OXR1: variants seen among roughly 807,000 people sequenced by gnomAD.
The protein encoded by OXR1 is oxidation resistance 1.
In OXR1, 41 loss-of-function variants were observed where a neutral mutation model predicts 104.6. The observed-to-expected ratio is 0.39, with a 90% CI of 0.31 to 0.51. The LOEUF is 0.51. Ranked by LOEUF, OXR1 falls within the 20% of genes least tolerant of loss-of-function variation. The pLI is 0.77. For synonymous variants in OXR1, 348 were observed against 348.4 expected, an observed-to-expected ratio of 1.00 and a Z score of 0.01; for missense variants, 955 against 1,031.9, an observed-to-expected ratio of 0.93 and a Z score of 1.02.
At chr8:106,696,291 T>C (rs1407288846) in intron 7 of OXR1, among the ~76,000 whole-genome samples, 6 of 152,234 alleles carry the variant, frequency 3.9e-5, no homozygotes. Flanking sequence ...CCATGTCTTT[T>C]GCGGATTGAC....
intron 6 of OXR1, among the ~76,000 whole-genome samples, chr8:106,685,189 T>G (rs1479037138): frequency 1.3e-5 from 2 of 152,196 alleles, no homozygotes; most frequent in Non-Finnish European, 2.9e-5. Context: ...AAAGTCAGGT[T>G]TTAATGGTAG....
intron 3 of OXR1, among the ~76,000 whole-genome samples, chr8:106,610,553 T>C (rs1820737538): frequency 6.6e-6 from 1 of 152,176 alleles, no homozygotes; most frequent in South Asian, 2.1e-4. Context: ...CATCCTACCA[T>C]CGTTTATCCT....
At chr8:106,519,866 A>T (rs1176068467) in intron 3 of OXR1, among the ~76,000 whole-genome samples, 2 of 152,218 alleles carry the variant, frequency 1.3e-5, no homozygotes, top group African/African-American at 4.8e-5. Flanking sequence ...TACCAACTTT[A>T]GTGTACCATA....
At chr8:106,593,267 C>T (rs1213700327) in intron 3 of OXR1, among the ~76,000 whole-genome samples, 1 of 152,082 alleles carries the variant, frequency 6.6e-6, no homozygotes, top group African/African-American at 2.4e-5. Context: ...ACAAGGGCAC[C>T]CGACCCGCCG....
At chr8:106,398,589 G>A (rs74535851) in intron 2 of OXR1, among the ~76,000 whole-genome samples, 1,892 of 152,288 alleles carry the variant, frequency 0.012, 19 homozygotes, top group Non-Finnish European at 0.019. Context: ...CTTCTGGTGT[G>A]TGTAAGGTTC....
rs56831509 is a variant in OXR1, at chr8:106,691,641, T to TATATAC, written c.526-1086_526-1085insTATACA. On this transcript the variant is annotated intron_variant, in intron 6 of 16. Coordinates refer to ENST00000517566, the MANE Select transcript of OXR1 (RefSeq NM_001198533.2). ...ATACATATATATATATATATATATATACACACACATATATTTATATTTGTG... is the reference window on the plus strand; with the variant it reads ...ATACATATATATATATATATATATATATATACACACACACATATATTTATATTTGTG... 1.0e-3 allele frequency among the ~76,000 whole-genome samples: 119 copies of TATATAC among 115,002 alleles called. No individual in the cohort carries two copies. The East Asian group carries it at 0.015, about 14-fold the overall frequency. 75.4% of individuals were successfully genotyped at this position (115,002 alleles called of 152,430 possible).
At chr8:106,368,067 T>A (rs1194966656) in intron 2 of OXR1, among the ~76,000 whole-genome samples, 1 of 152,136 alleles carries the variant, frequency 6.6e-6, no homozygotes, top group African/African-American at 2.4e-5. Flanking sequence ...CTTACTAGGT[T>A]ACAGGTGAGA....
At chr8:106,373,394 C>T (rs866181225) in intron 2 of OXR1, among the ~76,000 whole-genome samples, 8 of 152,118 alleles carry the variant, frequency 5.3e-5, no homozygotes, top group Non-Finnish European at 8.8e-5. Flanking sequence ...GTTTAATGTG[C>T]GTGTGGTTTT....
At chr8:106,723,533 G>T (rs780808278) in intron 11 of OXR1, among the ~76,000 whole-genome samples, 2 of 150,606 alleles carry the variant, frequency 1.3e-5, no homozygotes, top group African/African-American at 2.4e-5. Context: ...TTAGCCGGGC[G>T]TGGTGGCGCA....
chr8:106,514,296 G>A (rs1011238435), intron 2 of OXR1, among the ~76,000 whole-genome samples: 1 of 152,014 alleles, frequency 6.6e-6, no homozygotes, highest in Non-Finnish European at 1.5e-5. Flanking sequence ...CCCCTTTCAC[G>A]AAATTTGGAA....
intron 10 of OXR1, among the ~76,000 whole-genome samples, chr8:106,712,891 G>A (rs563335830): frequency 2.0e-5 from 3 of 151,982 alleles, no homozygotes; most frequent in South Asian, 2.1e-4. Context: ...TGGTTTTAAT[G>A]TTTACATGGA....
At chr8:106,436,911 T>C (rs1819601198) in intron 2 of OXR1, among the ~76,000 whole-genome samples, 1 of 152,240 alleles carries the variant, frequency 6.6e-6, no homozygotes, top group Non-Finnish European at 1.5e-5. Context: ...ATCAGCTCAA[T>C]GCAACTCAAA....
Position 106,415,579 on chromosome 8 carries a change from G to GAC in OXR1, c.23+55944_23+55945insCA, listed in dbSNP as rs1554571061. ...AGACTGAGAGTGAGACTGAGAGAGA[G>GAC]AGAGAGACAGAGAGACAGAGAGGGA... On this transcript the variant is annotated intron_variant, in intron 2 of 16. Transcript: ENST00000517566. 4.6e-5 allele frequency among the ~76,000 whole-genome samples: 7 copies of GAC among 150,586 alleles called. No individual in the cohort carries two copies. In the East Asian group the frequency reaches 1.0e-3, roughly 21 times the overall value.
intron 2 of OXR1, among the ~76,000 whole-genome samples, chr8:106,378,870 T>C (rs1359803447): frequency 6.6e-6 from 1 of 152,328 alleles, no homozygotes; most frequent in East Asian, 1.9e-4. Flanking sequence ...TAAGTCTTAC[T>C]GTATATTTCA....
At position 106,408,935 on chromosome 8, in the gene OXR1, C is replaced by T. The variant is rs187980736; in HGVS notation, c.23+49299C>T. ...CATTTATTGTTCCCGTTTCAGGGAA[C>T]GTCAGGCACGCGGATGATCAAAGGT... On this transcript the variant is annotated intron_variant, in intron 2 of 16. Coordinates refer to ENST00000517566, the MANE Select transcript of OXR1 (RefSeq NM_001198533.2). Among the ~76,000 whole-genome samples, 8 of 152,272 alleles carry T rather than the reference C, an allele frequency of 5.3e-5. No individual in the cohort carries two copies. The East Asian group carries it at 1.5e-3, about 29-fold the overall frequency.
chr8:106,331,987 G>A (rs1012635479), intron 1 of OXR1, among the ~76,000 whole-genome samples: 6 of 139,308 alleles, frequency 4.3e-5, no homozygotes, highest in Admixed American at 3.9e-4. Flanking sequence ...TTATTTCTTA[G>A]AAAGAACATA....
At chr8:106,603,072 A>T (rs930555532) in intron 3 of OXR1, among the ~76,000 whole-genome samples, 2 of 152,130 alleles carry the variant, frequency 1.3e-5, no homozygotes, top group East Asian at 3.9e-4. Context: ...AGGTAAAAAA[A>T]CTCACTTCTC....
intron 3 of OXR1, among the ~76,000 whole-genome samples, chr8:106,557,146 T>C (rs961696836): frequency 9.2e-5 from 14 of 152,204 alleles, no homozygotes; most frequent in Admixed American, 9.2e-4. Context: ...ATTTCCTACA[T>C]TGAGCCCTTC....
At chr8:106,357,647 ATATTATATTT>A (rs1816031122) in intron 1 of OXR1, among the ~76,000 whole-genome samples, 1 of 152,040 alleles carries the variant, frequency 6.6e-6, no homozygotes, top group African/African-American at 2.4e-5. Context: ...TTATAGGTAA[ATATTATATTT>A]TATTAATCCT....
Sources: allele counts gnomAD v4.1 joint callset (sites outside exome capture counted in the v4.1 genomes callset), GRCh38; gene constraint gnomAD v4.1.1; transcripts MANE v1.5; gene names NCBI Gene and HGNC (gene_info 2026-07-23, HGNC 2026-07-21).